The following ZNF469 variants were observed in gnomAD, a reference collection of about 807,000 sequenced individuals.
ZNF469 encodes zinc finger protein 469.
A neutral mutation model predicts 1.0 loss-of-function variants in ZNF469; 1 was observed. That is an observed-to-expected ratio of 1.00 (90% CI 0.35 to 4.73). The LOEUF is 4.73. ZNF469 is among the 30% of genes most tolerant of loss of function. ZNF469 has a pLI of 0.16. For missense variants in ZNF469, 6,100 were observed against 5,356.3 expected, an observed-to-expected ratio of 1.14 and a Z score of -4.33; for synonymous variants, 2,703 against 2,363.4, an observed-to-expected ratio of 1.14 and a Z score of -4.17.
chr16:88,161,797 A>G, the ZNF469 span, among the ~76,000 whole-genome samples: 1 of 152,232 alleles, frequency 6.6e-6, no homozygotes, highest in African/African-American at 2.4e-5. Context: ...AGGAAGCCAG[A>G]TGACGTGAGC....
At chr16:88,308,723 G>A in the ZNF469 span, among the ~76,000 whole-genome samples, 1 of 152,176 alleles carries the variant, frequency 6.6e-6, no homozygotes, top group African/African-American at 2.4e-5. Context: ...GGGATGCAAA[G>A]CACAGAAGAT....
At chr16:88,300,865 G>C in the ZNF469 span, among the ~76,000 whole-genome samples, 1 of 152,092 alleles carries the variant, frequency 6.6e-6, no homozygotes, top group African/African-American at 2.4e-5. Context: ...AGGAGTTGGA[G>C]ACCAGCCTGG....
chr16:88,126,976 C>T, the ZNF469 span, among the ~76,000 whole-genome samples: 9 of 152,292 alleles, frequency 5.9e-5, no homozygotes, highest in African/African-American at 1.2e-4. Context: ...CACGCCACCA[C>T]GCCCGGCTAT....
At chr16:88,395,289 G>A (rs1479950178) in intron 1 of ZNF469, among the ~76,000 whole-genome samples, 13 of 123,194 alleles carry the variant, frequency 1.1e-4, no homozygotes, top group African/African-American at 4.0e-4. Context: ...ATGGATGGGT[G>A]GATGGATTGA....
chr16:88,337,934 C>A, the ZNF469 span, among the ~76,000 whole-genome samples: 2 of 152,192 alleles, frequency 1.3e-5, no homozygotes, highest in African/African-American at 4.8e-5. Flanking sequence ...TGCTTTGTGA[C>A]CTGCCTTTCA....
At chr16:88,351,857 G>A in the ZNF469 span, among the ~76,000 whole-genome samples, 13 of 152,366 alleles carry the variant, frequency 8.5e-5, no homozygotes, top group Non-Finnish European at 1.2e-4. Context: ...AAGTGGTGCC[G>A]TGCTCGCTCC....
chr16:88,172,657 GA>G, the ZNF469 span, among the ~76,000 whole-genome samples: 3 of 152,332 alleles, frequency 2.0e-5, no homozygotes, highest in Admixed American at 6.5e-5. Flanking sequence ...AATCATAAGT[GA>G]CAGATGATGG....
chr16:88,245,659 G>A, the ZNF469 span, among the ~76,000 whole-genome samples: 1 of 152,238 alleles, frequency 6.6e-6, no homozygotes, highest in Non-Finnish European at 1.5e-5. Context: ...ATCCCCAAGT[G>A]TCCTTCTCCC....
At chr16:88,122,005 C>A in the ZNF469 span, among the ~76,000 whole-genome samples, 2 of 144,368 alleles carry the variant, frequency 1.4e-5, 1 homozygote, top group South Asian at 4.2e-4. Flanking sequence ...GCTACGGCCA[C>A]GGCGGCCACT....
chr16:88,218,789 A>G, the ZNF469 span, among the ~76,000 whole-genome samples: 2 of 151,770 alleles, frequency 1.3e-5, no homozygotes, highest in African/African-American at 4.9e-5. Flanking sequence ...AGGAGAAGGA[A>G]ATAAAAGGTA....
At chr16:88,162,082 C>T in the ZNF469 span, among the ~76,000 whole-genome samples, 3 of 152,048 alleles carry the variant, frequency 2.0e-5, no homozygotes, top group Non-Finnish European at 2.9e-5. Flanking sequence ...TGAATGGAGA[C>T]AAAAAGATGG....
Position 88,428,394 on chromosome 16 carries a change from G to A in ZNF469, c.924G>A (p.Gln308=). ...GGCCACTGGTGTTTGCCTTCCATCA[G>A]CCCCAGGGAGCGTGGCCGGAGGAGG... The part of the protein sequence containing the change: ...TNGPLVFAFH[Q]PQGAWPEEAV... The change falls in exon 3 of 3, where the codon CAG becomes CAA. Residue 308 remains glutamine (Q), a synonymous_variant. Transcript: ENST00000565624. 6.5e-7 allele frequency: 1 copy of A among 1,548,304 alleles called. No individual in the cohort carries two copies. Among genetic ancestry groups the A allele is most frequent in the African/African-American group, 1.4e-5 (1 of 73,138 alleles).
At chr16:88,364,191 T>C in the ZNF469 span, among the ~76,000 whole-genome samples, 1 of 152,218 alleles carries the variant, frequency 6.6e-6, no homozygotes, top group Non-Finnish European at 1.5e-5. Flanking sequence ...AGTACTCAGT[T>C]GATCCAGCAG....
the ZNF469 span, among the ~76,000 whole-genome samples, chr16:88,374,639 G>A: frequency 3.4e-4 from 51 of 152,178 alleles, no homozygotes; most frequent in African/African-American, 1.2e-3. Context: ...GTGATGGGTA[G>A]GATGTTGTTT....
At position 88,436,722 on chromosome 16, in the gene ZNF469, A is replaced by C. The variant is rs1906605721; in HGVS notation, c.9252A>C (p.Ser3084=). The C allele has an allele frequency of 6.5e-7, 1 of 1,548,756 alleles. No homozygotes were observed. Among genetic ancestry groups the C allele is most frequent in the African/African-American group, 1.4e-5 (1 of 73,006 alleles). The change falls in exon 3 of 3, where the codon TCA becomes TCC. Residue 3084 remains serine (S), a synonymous_variant. Coordinates refer to ENST00000565624, the MANE Select transcript of ZNF469 (RefSeq NM_001367624.2). ...TAGACTTCGAGGGCACGGCGAGCTC[A>C]CAGGGGCCACAGAGCCGAAGGACAG... ...SFLDFEGTAS[S]QGPQSRRTEE...
chr16:88,254,386 C>A, the ZNF469 span, among the ~76,000 whole-genome samples: 1 of 152,032 alleles, frequency 6.6e-6, no homozygotes, highest in Non-Finnish European at 1.5e-5. Context: ...CAATATAATA[C>A]TTTGTTGATT....
the ZNF469 span, among the ~76,000 whole-genome samples, chr16:88,368,865 G>A: frequency 6.6e-6 from 1 of 152,154 alleles, no homozygotes; most frequent in Non-Finnish European, 1.5e-5. Context: ...AATCACTTGA[G>A]GTCAGGAGTT....
chr16:88,394,866 G>A (rs1904610010), intron 1 of ZNF469, among the ~76,000 whole-genome samples: 1 of 152,090 alleles, frequency 6.6e-6, no homozygotes, highest in African/African-American at 2.4e-5. Flanking sequence ...AGATACCTGG[G>A]CCCACCACTG....
At chr16:88,332,761 G>A in the ZNF469 span, among the ~76,000 whole-genome samples, 1 of 152,116 alleles carries the variant, frequency 6.6e-6, no homozygotes, top group African/African-American at 2.4e-5. Context: ...CAGCACCACT[G>A]CTCAGGCCGG....
Sources: gnomAD v4.1 joint callset for allele counts (sites outside exome capture counted in the v4.1 genomes callset) on GRCh38, gnomAD v4.1.1 for gene constraint, MANE v1.5 for transcripts, NCBI Gene and HGNC (gene_info 2026-07-23, HGNC 2026-07-21) for gene names.